Variants in DPP6 observed in about 807,000 individuals in gnomAD.
DPP6 encodes A-type potassium channel modulatory protein DPP6.
A neutral mutation model predicts 122.6 loss-of-function variants in DPP6; 69 were observed. The observed-to-expected ratio is 0.56, with a 90% CI of 0.46 to 0.69. The LOEUF (loss-of-function observed/expected upper bound fraction) is 0.69. Among genes scored for constraint, DPP6 ranks in the 30% least tolerant of loss-of-function variants. The pLI is 0.00. For synonymous variants in DPP6, 418 were observed against 433.1 expected (o/e 0.97, Z 0.43); for missense variants, 928 against 1,116.9 (o/e 0.83, Z 2.41).
At chr7:154,015,119 G>T (rs1798342027) in intron 1 of DPP6, among the ~76,000 whole-genome samples, 1 of 152,070 alleles carries the variant, frequency 6.6e-6, no homozygotes, top group Admixed American at 6.5e-5. Context: ...AAATCTAGGG[G>T]TTTGTGGAGA....
At chr7:154,467,973 G>C (rs1821936624) in intron 2 of DPP6, among the ~76,000 whole-genome samples, 1 of 152,172 alleles carries the variant, frequency 6.6e-6, no homozygotes, top group African/African-American at 2.4e-5. Context: ...CAGGATGGCA[G>C]TATCTTTCTC....
intron 3 of DPP6, among the ~76,000 whole-genome samples, chr7:154,484,603 G>A (rs866318174): frequency 2.6e-5 from 4 of 152,174 alleles, no homozygotes; most frequent in African/African-American, 7.2e-5. Context: ...CAGCCCATCC[G>A]GCTCCTGCCT....
chr7:154,779,300 A>G (rs879753730), intron 10 of DPP6, among the ~76,000 whole-genome samples: 224 of 102,914 alleles, frequency 2.2e-3, no homozygotes, highest in African/African-American at 6.8e-3. Flanking sequence ...CACTACTATC[A>G]CCACCACCCC....
intron 1 of DPP6, among the ~76,000 whole-genome samples, chr7:153,919,348 T>C (rs1169880802): frequency 6.6e-6 from 1 of 152,164 alleles, no homozygotes; most frequent in Non-Finnish European, 1.5e-5. Context: ...ATCGTCCGAA[T>C]GCCTGGCTGG....
chr7:154,302,326 A>G (rs1229838523), intron 1 of DPP6, among the ~76,000 whole-genome samples: 3 of 152,146 alleles, frequency 2.0e-5, no homozygotes, highest in Admixed American at 6.5e-5. Flanking sequence ...TCTTTCCTCC[A>G]GGTTCATTCA....
intron 3 of DPP6, among the ~76,000 whole-genome samples, chr7:154,512,131 T>C (rs142790900): frequency 1.2e-4 from 18 of 152,344 alleles, no homozygotes; most frequent in Non-Finnish European, 1.9e-4. Flanking sequence ...TTATTCATTT[T>C]TCTTCTAACT....
At chr7:154,318,294 G>A (rs902287488) in intron 1 of DPP6, among the ~76,000 whole-genome samples, 4 of 152,208 alleles carry the variant, frequency 2.6e-5, no homozygotes, top group East Asian at 3.9e-4. Flanking sequence ...CTCAATATTC[G>A]TCTCCCTCGT....
intron 4 of DPP6, among the ~76,000 whole-genome samples, chr7:154,545,648 A>G (rs898936145): frequency 1.3e-5 from 2 of 152,224 alleles, no homozygotes; most frequent in African/African-American, 4.8e-5. Flanking sequence ...AATAGAGCAA[A>G]AATTATCAGA....
At chr7:153,875,996 G>T in the DPP6 span, among the ~76,000 whole-genome samples, 1 of 150,818 alleles carries the variant, frequency 6.6e-6, no homozygotes, top group Admixed American at 6.6e-5. Flanking sequence ...AATAAAATTG[G>T]CATATATAAT....
chr7:153,859,326 C>T, the DPP6 span, among the ~76,000 whole-genome samples: 1 of 152,186 alleles, frequency 6.6e-6, no homozygotes, highest in South Asian at 2.1e-4. Context: ...TCAAGACACA[C>T]ATTCTAACTT....
intron 1 of DPP6, among the ~76,000 whole-genome samples, chr7:154,356,769 C>G (rs1417692273): frequency 6.6e-6 from 1 of 152,054 alleles, no homozygotes; most frequent in Non-Finnish European, 1.5e-5. Flanking sequence ...TATGTCACAT[C>G]TTGCTGAAGG....
At chr7:154,174,091 T>G (rs959350260) in intron 1 of DPP6, among the ~76,000 whole-genome samples, 1 of 152,358 alleles carries the variant, frequency 6.6e-6, no homozygotes, top group Non-Finnish European at 1.5e-5. Flanking sequence ...TTTCCTTTTC[T>G]ATTTACAGTT....
At chr7:153,776,677 T>C in the DPP6 span, among the ~76,000 whole-genome samples, 46 of 152,166 alleles carry the variant, frequency 3.0e-4, no homozygotes, top group Non-Finnish European at 5.9e-4. Context: ...AGATGCAAAG[T>C]AATTTTACAG....
In DPP6 at chr7:154,029,520, CA is replaced by C. The variant is rs201468926; in HGVS notation, c.51+141793del. On this transcript the variant is annotated intron_variant, in intron 1 of 25. Coordinates refer to the DPP6 transcript ENST00000404039. ...TGACTGAGCGAGACTCCATCTCAAACAAAAAAAGAAAGAAATTGCCTTATGT... is the reference window on the plus strand; with the variant it reads ...TGACTGAGCGAGACTCCATCTCAAACAAAAAAGAAAGAAATTGCCTTATGT... Among the ~76,000 whole-genome samples, 214 of 139,934 alleles carry C rather than the reference CA, an allele frequency of 1.5e-3. 6 individuals are homozygous for C. Among genetic ancestry groups the C allele is most frequent in the Admixed American group, 0.014 (189 of 13,938 alleles). 91.8% of individuals were successfully genotyped at this position (139,934 alleles called of 152,430 possible).
chr7:153,984,063 C>G (rs1475391689), intron 1 of DPP6, among the ~76,000 whole-genome samples: 2 of 125,808 alleles, frequency 1.6e-5, no homozygotes, highest in Non-Finnish European at 3.3e-5. Context: ...AACACACACA[C>G]ACACACACAC....
At chr7:154,873,235 G>A (rs1223164205) in intron 19 of DPP6, among the ~76,000 whole-genome samples, 1 of 152,206 alleles carries the variant, frequency 6.6e-6, no homozygotes, top group Non-Finnish European at 1.5e-5. Flanking sequence ...GGTCTGATTA[G>A]GGAACTCAGT....
intron 1 of DPP6, among the ~76,000 whole-genome samples, chr7:154,082,705 T>C (rs572197109): frequency 3.0e-4 from 46 of 152,118 alleles, no homozygotes; most frequent in African/African-American, 1.0e-3. Flanking sequence ...ATTTCAAGGC[T>C]GATAGAATCA....
chr7:154,234,420 C>T (rs1357764153), intron 1 of DPP6, among the ~76,000 whole-genome samples: 1 of 152,192 alleles, frequency 6.6e-6, no homozygotes, highest in Non-Finnish European at 1.5e-5. Context: ...CTATGGTTAA[C>T]TTGCTAAACA....
chr7:153,758,402 ATAAG>A, the DPP6 span, among the ~76,000 whole-genome samples: 8 of 152,078 alleles, frequency 5.3e-5, no homozygotes, highest in Admixed American at 5.2e-4. Context: ...GTACGGTTTA[ATAAG>A]TATTGACGTG....
Sources: gnomAD v4.1 joint callset for allele counts (sites outside exome capture counted in the v4.1 genomes callset) on GRCh38, gnomAD v4.1.1 for gene constraint, MANE v1.5 for transcripts, NCBI Gene and HGNC (gene_info 2026-07-23, HGNC 2026-07-21) for gene names.